The following SYN3 variants were observed in gnomAD, a reference collection of about 807,000 sequenced individuals.
SYN3 encodes the protein synapsin III.
Under a neutral mutation model 65.8 loss-of-function variants are expected in SYN3, and 35 were observed. That is an observed-to-expected ratio of 0.53 (90% confidence interval 0.41 to 0.70). The LOEUF (loss-of-function observed/expected upper bound fraction) is 0.70. Among genes scored for constraint, SYN3 ranks in the 30% least tolerant of loss-of-function variants. The probability of loss-of-function intolerance (pLI) is 0.00; values close to 1 mark genes in which losing one functional copy is unlikely to be tolerated. For synonymous variants in SYN3, 270 were observed against 292.9 expected (o/e 0.92, Z 0.80); for missense variants, 680 against 749.0 (o/e 0.91, Z 1.08).
intron 7 of SYN3, among the ~76,000 whole-genome samples, chr22:32,587,439 C>A (rs1376367523): frequency 6.6e-6 from 1 of 152,064 alleles, no homozygotes; most frequent in African/African-American, 2.4e-5. Flanking sequence ...CTCTTCTCTG[C>A]TCACTTTTGG....
chr22:33,017,214 G>A (rs73162073), intron 1 of SYN3, among the ~76,000 whole-genome samples: 2 of 152,144 alleles, frequency 1.3e-5, no homozygotes, highest in African/African-American at 2.4e-5. Context: ...TCAATTGATT[G>A]TAAGTGTGTG....
At chr22:32,559,966 G>GT (rs1255682813) in intron 7 of SYN3, among the ~76,000 whole-genome samples, 2 of 152,232 alleles carry the variant, frequency 1.3e-5, no homozygotes, top group Non-Finnish European at 2.9e-5. Flanking sequence ...TATGTAACTG[G>GT]TATATGACCT....
intron 12 of SYN3, among the ~76,000 whole-genome samples, chr22:32,525,245 G>A (rs1487730678): frequency 1.3e-5 from 2 of 152,216 alleles, no homozygotes; most frequent in Non-Finnish European, 2.9e-5. Context: ...AGTGGAGGAA[G>A]TAAGTGAAGA....
intron 6 of SYN3, among the ~76,000 whole-genome samples, chr22:32,676,663 A>T (rs1397114147): frequency 4.8e-5 from 7 of 146,034 alleles, no homozygotes; most frequent in African/African-American, 1.8e-4. Context: ...TAGCCCCCCG[A>T]GTAGCTGGGA....
Position 33,040,502 on chromosome 22 carries a change from C to A in SYN3, c.-163+17790G>T, listed in dbSNP as rs546389890. ...TCCACTTCCATATCACTGACTGTCA[C>A]ATTTTTTTCAAACGTAAGTTTAACC... On this transcript the variant is annotated intron_variant, in intron 1 of 13. Transcript: ENST00000358763. Among the ~76,000 whole-genome samples the A allele has an allele frequency of 1.4e-3, 209 of 152,294 alleles. 1 individual carries two copies. The highest frequency in any genetic ancestry group is 4.9e-3 in the African/African-American group (202 of 41,562).
intron 4 of SYN3, among the ~76,000 whole-genome samples, chr22:32,914,513 C>CTGCCAGCTCTGCCTCCCAG (rs1162175580): frequency 6.7e-6 from 1 of 150,232 alleles, no homozygotes; most frequent in African/African-American, 2.5e-5. Flanking sequence ...TCTCGGCTCA[C>CTGCCAGCTCTGCCTCCCAG]TGCCAGCTCT....
intron 7 of SYN3, among the ~76,000 whole-genome samples, chr22:32,558,493 C>G (rs1259856850): frequency 6.6e-6 from 1 of 152,234 alleles, no homozygotes; most frequent in Non-Finnish European, 1.5e-5. Flanking sequence ...ACCCCATGAT[C>G]TGTCCATGAT....
At chr22:32,517,169 C>T (rs1056993724) in intron 13 of SYN3, among the ~76,000 whole-genome samples, 2 of 152,252 alleles carry the variant, frequency 1.3e-5, no homozygotes, top group African/African-American at 2.4e-5. Context: ...AAATTTATTT[C>T]CTACCTCTTG....
At chr22:32,817,304 G>C (rs1230614335) in intron 6 of SYN3, among the ~76,000 whole-genome samples, 1 of 152,156 alleles carries the variant, frequency 6.6e-6, no homozygotes, top group Non-Finnish European at 1.5e-5. Context: ...TAAAAGCTCT[G>C]AGAAGTCCTG....
intron 5 of SYN3, among the ~76,000 whole-genome samples, chr22:32,867,743 C>T (rs773127150): frequency 3.3e-5 from 5 of 152,174 alleles, no homozygotes; most frequent in African/African-American, 4.8e-5. Flanking sequence ...CCACCACGCC[C>T]AGCTAATTCT....
intron 6 of SYN3, among the ~76,000 whole-genome samples, chr22:32,747,726 C>T (rs1395602889): frequency 2.0e-5 from 3 of 152,334 alleles, no homozygotes; most frequent in Non-Finnish European, 1.5e-5. Context: ...AAAGCAATAA[C>T]CACGCAGTGA....
At chr22:32,611,310 G>C (rs1011611793) in intron 6 of SYN3, among the ~76,000 whole-genome samples, 1 of 145,204 alleles carries the variant, frequency 6.9e-6, no homozygotes, top group African/African-American at 2.6e-5. Flanking sequence ...TTTTTTGTGG[G>C]GGGGATGGAG....
intron 7 of SYN3, among the ~76,000 whole-genome samples, chr22:32,569,650 C>T (rs1370193031): frequency 2.7e-5 from 4 of 150,378 alleles, no homozygotes; most frequent in East Asian, 1.9e-4. Flanking sequence ...TTTAAAAATA[C>T]GAAATACTCC....
intron 6 of SYN3, among the ~76,000 whole-genome samples, chr22:32,609,676 G>A (rs1369221788): frequency 6.6e-6 from 1 of 151,928 alleles, no homozygotes; most frequent in Non-Finnish European, 1.5e-5. Context: ...GTTTTTGGAG[G>A]AGACAGGGTC....
intron 6 of SYN3, among the ~76,000 whole-genome samples, chr22:32,611,616 T>C (rs1033744822): frequency 4.6e-5 from 7 of 152,090 alleles, no homozygotes; most frequent in Admixed American, 2.6e-4. Flanking sequence ...GTACAATTAT[T>C]GGGGTGAGCA....
chr22:32,865,797 C>T (rs1485668776), intron 5 of SYN3, among the ~76,000 whole-genome samples: 1 of 152,146 alleles, frequency 6.6e-6, no homozygotes, highest in East Asian at 1.9e-4. Flanking sequence ...TGAAGGAAGA[C>T]AGGCTGCAGG....
Position 32,960,894 on chromosome 22 carries a change from C to A in SYN3, c.369+19751G>T, listed in dbSNP as rs116006772. Among the ~76,000 whole-genome samples the A allele has an allele frequency of 3.5e-3, 527 of 152,282 alleles. 5 individuals carry two copies. Among genetic ancestry groups the A allele is most frequent in the African/African-American group, 0.012 (503 of 41,564 alleles). Reference sequence around the variant, plus strand: ...GTAAAAATAGGGCATAAGGTCCTGACCCTGTCCCTATCCTGAGGCTGCTAA... The same window carrying A: ...GTAAAAATAGGGCATAAGGTCCTGAACCTGTCCCTATCCTGAGGCTGCTAA... On this transcript the variant is annotated intron_variant, in intron 3 of 13. Coordinates refer to ENST00000358763, the MANE Select transcript of SYN3 (RefSeq NM_003490.4).
At chr22:32,816,309 A>C (rs962384368) in intron 6 of SYN3, among the ~76,000 whole-genome samples, 1 of 152,206 alleles carries the variant, frequency 6.6e-6, no homozygotes, top group African/African-American at 2.4e-5. Flanking sequence ...ATTCCTGACT[A>C]CGGGCCACAC....
intron 4 of SYN3, among the ~76,000 whole-genome samples, chr22:32,911,564 T>C (rs762540702): frequency 3.9e-5 from 6 of 152,184 alleles, no homozygotes; most frequent in Non-Finnish European, 7.4e-5. Context: ...AGCAGGAGCA[T>C]GGAGGCAGCG....
Sources: gnomAD v4.1 joint callset for allele counts (sites outside exome capture counted in the v4.1 genomes callset) on GRCh38, gnomAD v4.1.1 for gene constraint, MANE v1.5 for transcripts, NCBI Gene and HGNC (gene_info 2026-07-23, HGNC 2026-07-21) for gene names.